GMCL1: variants seen among roughly 807,000 people sequenced by gnomAD.
GMCL1 encodes the protein germ cell-less protein-like 1.
GMCL1 carries 54 observed loss-of-function variants against 75.5 expected under a neutral mutation model. The observed-to-expected ratio is 0.71, with a 90% CI of 0.57 to 0.90. The LOEUF is 0.90. GMCL1 is among the 40% of genes least tolerant of loss of function. The pLI is 0.00. For synonymous variants in GMCL1, 210 were observed against 209.6 expected (o/e 1.00, Z -0.02); for missense variants, 537 against 622.7 (o/e 0.86, Z 1.47).
chr2:69,858,783 C>T (rs1675554226), intron 9 of GMCL1, among the ~76,000 whole-genome samples: 1 of 152,138 alleles, frequency 6.6e-6, no homozygotes, highest in Non-Finnish European at 1.5e-5. Flanking sequence ...AATATGTACT[C>T]ATGTTTTTAA....
chr2:69,859,695 C>G (rs1268895371), intron 9 of GMCL1, among the ~76,000 whole-genome samples: 1 of 141,668 alleles, frequency 7.1e-6, no homozygotes, highest in Admixed American at 7.9e-5. Context: ...GATAGGGCCA[C>G]CGGACCCCAG....
At position 69,879,220 on chromosome 2, in the gene GMCL1, T is replaced by C. The variant is rs1676211835; in HGVS notation, c.*216T>C. 2.9e-6 allele frequency: 1 copy of C among 339,416 alleles called. No homozygotes were observed. Among genetic ancestry groups the C allele is most frequent in the Non-Finnish European group, 5.3e-6 (1 of 187,636 alleles). 21.0% of individuals were successfully genotyped at this position (339,416 alleles called of 1,614,324 possible). On this transcript the variant is annotated 3_prime_UTR_variant, in exon 14 of 14. Transcript: ENST00000282570. ...TTTCTATGCATATGCGTAAGAACAT[T>C]TTAAAGCCAAGAAAATATCTGTCAA...
intron 2 of GMCL1, among the ~76,000 whole-genome samples, chr2:69,838,654 A>T (rs963401473): frequency 6.6e-6 from 1 of 152,204 alleles, no homozygotes; most frequent in African/African-American, 2.4e-5. Flanking sequence ...GGCTTGAAGT[A>T]TGTTGCCCAG....
intron 13 of GMCL1, among the ~76,000 whole-genome samples, chr2:69,874,341 A>G (rs750593657): frequency 2.6e-5 from 4 of 151,704 alleles, no homozygotes; most frequent in Non-Finnish European, 4.4e-5. Flanking sequence ...GTGAAAACAA[A>G]TATTTGTTTT....
chr2:69,869,721 C>T lies in GMCL1; in HGVS notation c.1221C>T (p.Tyr407=), dbSNP rs1306254794. ...GTCTTCTCTCTTGTATTTTTTAGTA[C>T]TGCTGGCGTTGGACAGGTTTTAACT... ...CGRKLAKDGE[Y]CWRWTGFNFG... is the part of the protein sequence containing the mutation. Residue 407 remains tyrosine (Y), a splice_region_variant and synonymous_variant, in exon 12 of 14, where the codon TAC becomes TAT. Coordinates refer to ENST00000282570, the MANE Select transcript of GMCL1 (RefSeq NM_178439.5). 1 of 1,613,126 alleles carries T rather than the reference C, an allele frequency of 6.2e-7. No homozygotes were observed. The highest frequency in any genetic ancestry group is 1.1e-5 in the South Asian group (1 of 90,936).
intron 13 of GMCL1, among the ~76,000 whole-genome samples, chr2:69,877,708 G>GTGTT (rs1055539509): frequency 5.3e-5 from 1 of 18,838 alleles, no homozygotes; most frequent in African/African-American, 1.2e-4. Flanking sequence ...TTGTGTGTTT[G>GTGTT]TGTGTGTGTG....
chr2:69,831,323 A>G (rs1215960616), intron 1 of GMCL1, among the ~76,000 whole-genome samples: 1 of 151,140 alleles, frequency 6.6e-6, no homozygotes, highest in Non-Finnish European at 1.5e-5. Context: ...TTTGGTTTAT[A>G]AAACCTTTTG....
At chr2:69,847,714 A>T (rs1675195510) in intron 7 of GMCL1, 87 bp downstream of exon 7, 2 of 708,990 alleles carry the variant, frequency 2.8e-6, no homozygotes, top group Non-Finnish European at 4.8e-6. Context: ...AGTATCCAGT[A>T]ATAAAGGGAT....
At chr2:69,875,169 C>CT (rs910336494) in intron 13 of GMCL1, among the ~76,000 whole-genome samples, 1 of 152,014 alleles carries the variant, frequency 6.6e-6, no homozygotes, top group African/African-American at 2.4e-5. Context: ...AAATAGTCAT[C>CT]TATATATTCT....
At chr2:69,857,123 T>G (rs1675494739) in intron 9 of GMCL1, among the ~76,000 whole-genome samples, 1 of 152,174 alleles carries the variant, frequency 6.6e-6, no homozygotes, top group East Asian at 1.9e-4. Context: ...CTCATTCCCT[T>G]TTACACTGCT....
chr2:69,830,017 G>A lies in GMCL1; in HGVS notation c.125G>A (p.Gly42Glu). 6.4e-7 allele frequency: 1 copy of A among 1,564,416 alleles called. No homozygotes were observed. Among genetic ancestry groups the A allele is most frequent in the Non-Finnish European group, 8.7e-7 (1 of 1,154,518 alleles). ...PDTGDDAAGH[G>E]FCYCAGSHKR... ...ACTGGAGACGATGCGGCGGGCCACGGATTCTGTTACTGTGCGGGCAGCCAC... is the reference window on the plus strand; with the variant it reads ...ACTGGAGACGATGCGGCGGGCCACGAATTCTGTTACTGTGCGGGCAGCCAC... The change falls in exon 1 of 14, where the codon GGA becomes GAA. Residue 42 changes from glycine (G) to glutamate (E), a missense_variant. Coordinates refer to ENST00000282570, the MANE Select transcript of GMCL1 (RefSeq NM_178439.5).
At chr2:69,858,619 A>G (rs1479775041) in intron 9 of GMCL1, among the ~76,000 whole-genome samples, 1 of 152,052 alleles carries the variant, frequency 6.6e-6, no homozygotes, top group Non-Finnish European at 1.5e-5. Context: ...TTGCAATGCT[A>G]TTAACATTGC....
chr2:69,859,180 A>T (rs1453032999), intron 9 of GMCL1, among the ~76,000 whole-genome samples: 2 of 151,372 alleles, frequency 1.3e-5, no homozygotes, highest in African/African-American at 4.9e-5. Context: ...TATGGGATAC[A>T]TCTAACATGA....
At chr2:69,869,417 CAAAAAAA>C (rs34136837) in intron 11 of GMCL1, 4 of 64,018 alleles carry the variant, frequency 6.2e-5, no homozygotes, top group East Asian at 4.8e-4. Context: ...GACTCTGTCT[CAAAAAAA>C]AAAAAAAAAA....
At chr2:69,847,875 A>C (rs1675199711) in intron 7 of GMCL1, among the ~76,000 whole-genome samples, 2 of 152,214 alleles carry the variant, frequency 1.3e-5, no homozygotes, top group Admixed American at 1.3e-4. Context: ...TCTTTAACAA[A>C]AAATATGTTA....
intron 6 of GMCL1, among the ~76,000 whole-genome samples, chr2:69,845,141 G>A (rs1675100044): frequency 2.0e-5 from 3 of 152,310 alleles, no homozygotes; most frequent in South Asian, 4.1e-4. Context: ...AAACCTGTTA[G>A]CGCCACACAG....
intron 9 of GMCL1, among the ~76,000 whole-genome samples, chr2:69,856,766 T>C (rs964548479): frequency 6.6e-6 from 1 of 151,250 alleles, no homozygotes; most frequent in Admixed American, 6.6e-5. Context: ...GCCCCCTCAG[T>C]GTGCACTTTC....
At chr2:69,862,512 C>T (rs1427862358) in intron 10 of GMCL1, among the ~76,000 whole-genome samples, 3 of 152,016 alleles carry the variant, frequency 2.0e-5, no homozygotes, top group Admixed American at 6.6e-5. Context: ...GTAATCCCAG[C>T]ACTTTGGGAG....
intron 13 of GMCL1, among the ~76,000 whole-genome samples, chr2:69,874,365 TTTTG>T (rs111961146): frequency 2.6e-5 from 4 of 151,898 alleles, no homozygotes; most frequent in South Asian, 2.1e-4. Flanking sequence ...TTTCATTTCT[TTTTG>T]TTTGTTTGTT....
Sources: allele counts gnomAD v4.1 joint callset (sites outside exome capture counted in the v4.1 genomes callset), GRCh38; gene constraint gnomAD v4.1.1; transcripts MANE v1.5; gene names NCBI Gene and HGNC (gene_info 2026-07-23, HGNC 2026-07-21).